Variants in CLASP1 observed in about 807,000 individuals in gnomAD.
CLASP1 encodes cytoplasmic linker associated protein 1.
CLASP1 carries 38 observed loss-of-function variants against 192.3 expected under a neutral mutation model. The ratio of observed to expected loss-of-function variants is 0.20; its 90% CI spans 0.15 to 0.26. CLASP1 has a LOEUF of 0.26. Ranked by LOEUF, CLASP1 falls within the 10% of genes least tolerant of loss-of-function variation. The pLI is 1.00. For missense variants in CLASP1, 1,433 were observed against 1,932.5 expected, an observed-to-expected ratio of 0.74 and a Z score of 4.85; for synonymous variants, 691 against 712.8, an observed-to-expected ratio of 0.97 and a Z score of 0.49.
At chr2:121,384,078 A>G (rs922607280) in intron 32 of CLASP1, among the ~76,000 whole-genome samples, 2 of 137,398 alleles carry the variant, frequency 1.5e-5, no homozygotes, top group African/African-American at 5.2e-5. Context: ...ACACACACAC[A>G]TATATATGTA....
chr2:121,343,241 A>G (rs2063006694), intron 39 of CLASP1, among the ~76,000 whole-genome samples: 1 of 152,254 alleles, frequency 6.6e-6, no homozygotes, highest in African/African-American at 2.4e-5. Context: ...ACAGAAAATA[A>G]CAAGTGTTGG....
intron 8 of CLASP1, among the ~76,000 whole-genome samples, chr2:121,483,710 A>G (rs2092783726): frequency 1.3e-5 from 2 of 152,114 alleles, no homozygotes; most frequent in Non-Finnish European, 2.9e-5. Context: ...AAAAGTTAAA[A>G]TCATATTTTA....
chr2:121,510,245 A>C (rs1260159982), intron 7 of CLASP1, among the ~76,000 whole-genome samples: 3 of 152,098 alleles, frequency 2.0e-5, no homozygotes, highest in Non-Finnish European at 4.4e-5. Flanking sequence ...AAAACAGAAA[A>C]ATCAATGAAA....
At chr2:121,612,688 G>C (rs1238413576) in intron 1 of CLASP1, among the ~76,000 whole-genome samples, 4 of 152,156 alleles carry the variant, frequency 2.6e-5, no homozygotes, top group Non-Finnish European at 5.9e-5. Flanking sequence ...TAGGTCTAAA[G>C]TTAACCATAA....
chr2:121,387,941 T>A, intron 30 of CLASP1, 35 bp from the exon 32 acceptor site: 1 of 1,493,264 alleles, frequency 6.7e-7, no homozygotes, highest in Non-Finnish European at 9.2e-7. Flanking sequence ...TTATGTAATG[T>A]ACAATAGGTC....
At position 121,635,598 on chromosome 2, in the gene CLASP1, G is replaced by C. The variant is rs2070694130; in HGVS notation, c.-286+13774C>G. 2.0e-5 allele frequency among the ~76,000 whole-genome samples: 3 copies of C among 152,336 alleles called. 1 individual carries two copies. The South Asian group carries it at 6.2e-4, about 32-fold the overall frequency. ...AGAGAGGTCTGATCTCTTAGGGCAAGTAACATTAGCCACTACCAAACACTA... is the reference window on the plus strand; with the variant it reads ...AGAGAGGTCTGATCTCTTAGGGCAACTAACATTAGCCACTACCAAACACTA... On this transcript the variant is annotated intron_variant, in intron 1 of 39. Transcript: ENST00000263710.
chr2:121,513,780 G>A (rs1258084447), intron 7 of CLASP1, among the ~76,000 whole-genome samples: 1 of 152,234 alleles, frequency 6.6e-6, no homozygotes, highest in Non-Finnish European at 1.5e-5. Flanking sequence ...CCTCAGCAGT[G>A]AGTTGTAACA....
chr2:121,407,843 T>C (rs1173188741), intron 24 of CLASP1, 128 bp from the exon 26 acceptor site: 1 of 1,073,774 alleles, frequency 9.3e-7, no homozygotes, highest in Non-Finnish European at 1.4e-6. Context: ...ACACACACTT[T>C]TCCTGTGCTT....
At chr2:121,540,799 G>T (rs970108558) in intron 2 of CLASP1, among the ~76,000 whole-genome samples, 2 of 147,612 alleles carry the variant, frequency 1.4e-5, no homozygotes, top group African/African-American at 5.0e-5. Flanking sequence ...AAAAAAAAAA[G>T]CAAACATAAA....
chr2:121,612,147 G>A lies in CLASP1; in HGVS notation c.-285-5967C>T, dbSNP rs1024563417. Among the ~76,000 whole-genome samples the A allele has an allele frequency of 6.6e-5, 10 of 150,926 alleles. No homozygotes were observed. In the East Asian group the frequency reaches 2.0e-3, roughly 30 times the overall value. On this transcript the variant is annotated intron_variant, in intron 1 of 39. Transcript: ENST00000263710. Reference sequence around the variant, plus strand: ...AGTTACAGGAGGAAGAGGAACTGGAGGAGGAGGAGTTGGAGGAGTTTCAGG... The same window carrying A: ...AGTTACAGGAGGAAGAGGAACTGGAAGAGGAGGAGTTGGAGGAGTTTCAGG...
chr2:121,636,584 G>T (rs1416348207), intron 1 of CLASP1, among the ~76,000 whole-genome samples: 2 of 151,924 alleles, frequency 1.3e-5, no homozygotes, highest in Non-Finnish European at 2.9e-5. Context: ...AGAATCACTT[G>T]AACACAGGAG....
At chr2:121,365,892 C>T (rs144735233) in intron 35 of CLASP1, among the ~76,000 whole-genome samples, 17 of 152,224 alleles carry the variant, frequency 1.1e-4, no homozygotes, top group African/African-American at 3.9e-4. Context: ...TAGTTACCTG[C>T]AGGGCTGTGA....
At position 121,546,529 on chromosome 2, in the gene CLASP1, C is replaced by T. The variant is rs144179540; in HGVS notation, c.196-16204G>A. Among the ~76,000 whole-genome samples, 342 of 152,030 alleles carry T rather than the reference C, an allele frequency of 2.2e-3. 2 individuals are homozygous for T. Among genetic ancestry groups the T allele is most frequent in the Non-Finnish European group, 3.9e-3 (268 of 67,980 alleles). ...TGGGAGTGAAATGGAGCCAGGGGAA[C>T]CTCCCCCATTCAGGGAAGCAGTGAG... is the stretch of plus-strand genomic sequence containing the variant. On this transcript the variant is annotated intron_variant, in intron 2 of 39. Coordinates refer to ENST00000263710, the Ensembl canonical transcript of CLASP1.
At chr2:121,529,509 T>G (rs1014688420) in intron 3 of CLASP1, among the ~76,000 whole-genome samples, 4 of 152,206 alleles carry the variant, frequency 2.6e-5, no homozygotes, top group Non-Finnish European at 5.9e-5. Context: ...AAGTTAACAG[T>G]AAAGAATACA....
chr2:121,498,968 G>T (rs2093639206), intron 8 of CLASP1, among the ~76,000 whole-genome samples: 1 of 152,210 alleles, frequency 6.6e-6, no homozygotes, highest in African/African-American at 2.4e-5. Context: ...CAGGTTGCTG[G>T]TAAGAACATA....
rs905605130 is a variant in CLASP1, at chr2:121,448,223, C to G, written c.1741+53G>C. ...GCCTGGGCAGCCTCTTGCAGCTGCACGTACAGCCCACCAGAGCGGAGAACA... is the reference window on the plus strand; with the variant it reads ...GCCTGGGCAGCCTCTTGCAGCTGCAGGTACAGCCCACCAGAGCGGAGAACA... On this transcript the variant is annotated intron_variant, in intron 18 of 39. Coordinates refer to ENST00000263710, the Ensembl canonical transcript of CLASP1. The G allele has an allele frequency of 2.0e-6, 3 of 1,516,324 alleles. No homozygotes were observed. In the Admixed American group the frequency reaches 5.0e-5, roughly 25 times the overall value. 93.9% of individuals were successfully genotyped at this position (1,516,324 alleles called of 1,614,324 possible). A position where few individuals can be genotyped will look rare whatever the true frequency, so the allele number is the denominator to read the frequency against.
At chr2:121,447,629 C>A in intron 18 of CLASP1, 122 bp from the exon 19 acceptor site, 2 of 847,232 alleles carry the variant, frequency 2.4e-6, no homozygotes, top group South Asian at 3.7e-5. Context: ...AATGCTGGAG[C>A]ATAAAAAACT....
intron 2 of CLASP1, chr2:121,530,862 C>G (rs2104765725): frequency 1.5e-6 from 1 of 677,906 alleles, no homozygotes; most frequent in Non-Finnish European, 2.7e-6. Flanking sequence ...TGCTTGCAGC[C>G]CAGGGACTTT....
chr2:121,411,000 C>A (rs1467046674), intron 23 of CLASP1, 31 bp from the exon 25 acceptor site: 7 of 1,351,858 alleles, frequency 5.2e-6, no homozygotes, highest in Non-Finnish European at 5.2e-6. Context: ...AAAGATGTGT[C>A]ACTTTAATTC....
Sources: gnomAD v4.1 joint callset for allele counts (sites outside exome capture counted in the v4.1 genomes callset) on GRCh38, gnomAD v4.1.1 for gene constraint, MANE v1.5 for transcripts, NCBI Gene and HGNC (gene_info 2026-07-23, HGNC 2026-07-21) for gene names.